Variants in BNC2 observed in about 807,000 individuals in gnomAD.
BNC2 encodes the protein zinc finger protein basonuclin-2.
BNC2 carries 20 observed loss-of-function variants against 76.3 expected under a neutral mutation model. The ratio of observed to expected loss-of-function variants is 0.26; its 90% CI spans 0.18 to 0.38. The LOEUF (loss-of-function observed/expected upper bound fraction) is 0.38. BNC2 is among the 10% of genes least tolerant of loss of function. The pLI is 1.00. For missense variants in BNC2, 1,382 were observed against 1,399.8 expected, an observed-to-expected ratio of 0.99 and a Z score of 0.20; for synonymous variants, 582 against 514.8, an observed-to-expected ratio of 1.13 and a Z score of -1.77.
At chr9:16,721,419 G>A (rs773988394) in intron 3 of BNC2, among the ~76,000 whole-genome samples, 5 of 151,942 alleles carry the variant, frequency 3.3e-5, no homozygotes, top group Non-Finnish European at 5.9e-5. Flanking sequence ...GATGAAGATC[G>A]CCCAGCAAAA....
chr9:16,568,140 T>G (rs917823994), intron 4 of BNC2, among the ~76,000 whole-genome samples: 2 of 152,162 alleles, frequency 1.3e-5, no homozygotes, highest in African/African-American at 4.8e-5. Context: ...GAATTCCAAA[T>G]TACAAGCATC....
chr9:16,658,636 C>A (rs28401675), intron 3 of BNC2, among the ~76,000 whole-genome samples: 1 of 152,152 alleles, frequency 6.6e-6, no homozygotes, highest in African/African-American at 2.4e-5. Context: ...TGGGAAAGAT[C>A]ATAGGTCTTA....
At chr9:16,528,267 T>A (rs868071402) in intron 5 of BNC2, among the ~76,000 whole-genome samples, 7 of 152,206 alleles carry the variant, frequency 4.6e-5, no homozygotes, top group African/African-American at 1.7e-4. Context: ...TTTTCTCTTA[T>A]TTTTTCTTGT....
intron 4 of BNC2, among the ~76,000 whole-genome samples, chr9:16,566,670 T>C (rs1202570056): frequency 6.6e-6 from 1 of 152,106 alleles, no homozygotes; most frequent in Non-Finnish European, 1.5e-5. Flanking sequence ...AAATCATCCA[T>C]AATGGTAGCA....
chr9:16,660,757 AT>A (rs1822088716), intron 3 of BNC2, among the ~76,000 whole-genome samples: 4 of 152,202 alleles, frequency 2.6e-5, no homozygotes, highest in Admixed American at 2.6e-4. Context: ...GGAAAAAAAA[AT>A]AACAACACAA....
chr9:16,648,163 G>A (rs192293160), intron 3 of BNC2, among the ~76,000 whole-genome samples: 1 of 152,166 alleles, frequency 6.6e-6, no homozygotes, highest in Admixed American at 6.6e-5. Context: ...ATTCACTAGA[G>A]AGATAAATGC....
intron 4 of BNC2, among the ~76,000 whole-genome samples, chr9:16,581,171 G>A (rs907757152): frequency 6.6e-6 from 1 of 152,176 alleles, no homozygotes; most frequent in Non-Finnish European, 1.5e-5. Flanking sequence ...TGAATATAGG[G>A]TATTTAAAGA....
intron 3 of BNC2, among the ~76,000 whole-genome samples, chr9:16,623,720 C>T (rs1177989576): frequency 1.3e-5 from 2 of 152,064 alleles, no homozygotes; most frequent in African/African-American, 4.8e-5. Context: ...TGCTCTAATA[C>T]CAGATGTATG....
At chr9:16,832,265 A>C (rs1818593343) in intron 1 of BNC2, 5 of 1,283,576 alleles carry the variant, frequency 3.9e-6, no homozygotes, top group Non-Finnish European at 5.1e-6. Flanking sequence ...AAAATCTAGA[A>C]GGTTCTTTGA....
intron 1 of BNC2, among the ~76,000 whole-genome samples, chr9:16,826,063 C>A (rs762141645): frequency 2.0e-5 from 3 of 152,186 alleles, no homozygotes; most frequent in Non-Finnish European, 4.4e-5. Context: ...CCTGATGGAA[C>A]TGAATGCATT....
chr9:16,852,711 G>A (rs1819156345), intron 1 of BNC2, among the ~76,000 whole-genome samples: 1 of 152,274 alleles, frequency 6.6e-6, no homozygotes, highest in African/African-American at 2.4e-5. Context: ...TAGGGACACA[G>A]GAGGGAAGGT....
chr9:16,487,301 T>C (rs946068333), intron 5 of BNC2, among the ~76,000 whole-genome samples: 2 of 152,194 alleles, frequency 1.3e-5, no homozygotes, highest in Non-Finnish European at 2.9e-5. Flanking sequence ...CGCTGACACC[T>C]AACAGGACAT....
chr9:16,678,267 C>CTTTT lies in BNC2; in HGVS notation c.330+49526_330+49529dup, dbSNP rs140809930. Among the ~76,000 whole-genome samples the CTTTT allele has an allele frequency of 2.3e-3, 189 of 80,760 alleles. 2 individuals are homozygous for CTTTT. Among genetic ancestry groups the CTTTT allele is most frequent in the African/African-American group, 4.7e-3 (83 of 17,700 alleles). 53.0% of individuals were successfully genotyped at this position (80,760 alleles called of 152,430 possible). ...ACTTGTAACTGTTTTCTTTCTTTTT[C>CTTTT]TTTTTTTTTTTTTTTTTTTTTTTTT... On this transcript the variant is annotated intron_variant, in intron 3 of 6. Coordinates refer to ENST00000380672, the MANE Select transcript of BNC2 (RefSeq NM_017637.6).
chr9:16,838,391 C>T (rs1001524629), intron 1 of BNC2, among the ~76,000 whole-genome samples: 2 of 152,046 alleles, frequency 1.3e-5, no homozygotes, highest in African/African-American at 4.8e-5. Context: ...CCCATCTCTA[C>T]TAAAAAGAAA....
At chr9:16,592,084 G>A (rs1316529117) in intron 3 of BNC2, among the ~76,000 whole-genome samples, 2 of 150,858 alleles carry the variant, frequency 1.3e-5, no homozygotes, top group African/African-American at 4.9e-5. Flanking sequence ...ACAAAAAGCT[G>A]GGCAATTTAA....
intron 3 of BNC2, among the ~76,000 whole-genome samples, chr9:16,618,147 C>A (rs1032528760): frequency 3.3e-5 from 5 of 152,180 alleles, no homozygotes; most frequent in Non-Finnish European, 5.9e-5. Context: ...GCCAGCTACC[C>A]TCTCAGTGAG....
rs1275778940 is a variant in BNC2 at position 16,418,900 on chromosome 9, C to CACA, written c.*88_*89insTGT. 308 of 1,416,492 alleles carry CACA rather than the reference C, an allele frequency of 2.2e-4. No homozygotes were observed. The highest frequency in any genetic ancestry group is 3.6e-4 in the Middle Eastern group (2 of 5,524). 87.7% of individuals were successfully genotyped at this position (1,416,492 alleles called of 1,614,324 possible). ...ACACACACACACACACACACACACA[C>CACA]CCCAAGTACATAAGCGCACACTGAC... On this transcript the variant is annotated 3_prime_UTR_variant, in exon 7 of 7. Coordinates refer to ENST00000380672, the MANE Select transcript of BNC2 (RefSeq NM_017637.6).
At chr9:16,853,760 C>A (rs555979475) in intron 1 of BNC2, among the ~76,000 whole-genome samples, 1 of 151,948 alleles carries the variant, frequency 6.6e-6, no homozygotes, top group Non-Finnish European at 1.5e-5. Flanking sequence ...CCCAGCTACT[C>A]GGGAGGGTGA....
intron 4 of BNC2, among the ~76,000 whole-genome samples, chr9:16,562,135 A>G (rs1819034475): frequency 6.6e-6 from 1 of 152,224 alleles, no homozygotes; most frequent in Non-Finnish European, 1.5e-5. Flanking sequence ...TTCAGACATC[A>G]TGTAAAATGG....
Sources: gnomAD v4.1 joint callset for allele counts (sites outside exome capture counted in the v4.1 genomes callset) on GRCh38, gnomAD v4.1.1 for gene constraint, MANE v1.5 for transcripts, NCBI Gene and HGNC (gene_info 2026-07-23, HGNC 2026-07-21) for gene names.